HAUS5: variants seen among roughly 807,000 people sequenced by gnomAD.
The protein encoded by HAUS5 is HAUS augmin-like complex subunit 5.
Under a neutral mutation model 94.1 loss-of-function variants are expected in HAUS5, and 67 were observed. That is an observed-to-expected ratio of 0.71 (90% CI 0.58 to 0.87). The LOEUF is 0.87. Ranked by LOEUF, HAUS5 falls within the 40% of genes least tolerant of loss-of-function variation. HAUS5 has a pLI of 0.00. For missense variants in HAUS5, 739 were observed against 825.6 expected (o/e 0.90, Z 1.29); for synonymous variants, 339 against 355.4 (o/e 0.95, Z 0.52).
Position 35,625,282 on chromosome 19 carries a change from A to G in HAUS5, c.*2289A>G, listed in dbSNP as rs530770230. 6.6e-6 allele frequency: 1 copy of G among 152,232 alleles called. No individual in the cohort carries two copies. The highest frequency in any genetic ancestry group is 6.6e-5 in the Admixed American group (1 of 15,266). 9.4% of individuals were successfully genotyped at this position (152,232 alleles called of 1,614,324 possible). A position where few individuals can be genotyped will look rare whatever the true frequency, so the allele number is the denominator to read the frequency against. On this transcript the variant is annotated 3_prime_UTR_variant, in exon 19 of 19. Transcript: ENST00000203166. ...AAAAAAGATAACAAATATAAACTCA[A>G]GTAAACACCCTGTAGTCTTTCACAT...
In HAUS5 at chr19:35,612,898, G is replaced by A. The variant is rs897216974; in HGVS notation, c.98+6G>A. On this transcript the variant is annotated splice_donor_region_variant and intron_variant, in intron 1 of 18. Transcript: ENST00000203166. ...CCGGAATCGACGCTGCGCAGGTGAG[G>A]ACCGCTCCTGGAGTGAGGACACCCC... The A allele has an allele frequency of 5.2e-6, 8 of 1,535,934 alleles. No homozygotes were observed. In the Admixed American group the frequency reaches 1.7e-4, roughly 32 times the overall value.
chr19:35,619,031 G>A lies in HAUS5; in HGVS notation c.1161G>A (p.Leu387=), dbSNP rs761714827. The A allele has an allele frequency of 1.9e-6, 3 of 1,597,106 alleles. No individual in the cohort carries two copies. Among genetic ancestry groups the A allele is most frequent in the South Asian group, 2.2e-5 (2 of 89,446 alleles). ...TACAGGCCAAACAGCAGCGGATCCT[G>A]CACTGGCGCCAGCTGGTGGTGAGAG... ...RELQAKQQRI[L]HWRQLVEETQ... The change falls in exon 13 of 19, where the codon CTG becomes CTA. Residue 387 remains leucine (L), a synonymous_variant. Transcript: ENST00000203166.
At chr19:35,619,234 C>T (rs1462104676) in intron 13 of HAUS5, among the ~76,000 whole-genome samples, 185 bp downstream of exon 13, 4 of 152,116 alleles carry the variant, frequency 2.6e-5, no homozygotes, top group Non-Finnish European at 5.9e-5. Context: ...CACCACTGCA[C>T]TCCAGCCTGG....
Position 35,614,231 on chromosome 19 carries a change from G to C in HAUS5, c.219+172G>C, listed in dbSNP as rs1487637945. Reference sequence around the variant, plus strand: ...AGTGGAAACAGCATTAGCTCAGCCAGGTGCAGTGGCTCACACCTGTAATCC... The same window carrying C: ...AGTGGAAACAGCATTAGCTCAGCCACGTGCAGTGGCTCACACCTGTAATCC... On this transcript the variant is annotated intron_variant, in intron 4 of 18. Transcript: ENST00000203166. The C allele has an allele frequency of 6.0e-6, 4 of 666,302 alleles. No individual in the cohort carries two copies. The East Asian group carries it at 8.1e-5, about 14-fold the overall frequency. 41.3% of individuals were successfully genotyped at this position (666,302 alleles called of 1,614,324 possible).
rs1967159897 is a variant in HAUS5 at position 35,619,093 on chromosome 19, G to T, written c.1179+44G>T. The T allele has an allele frequency of 3.3e-6, 5 of 1,508,726 alleles. No homozygotes were observed. The East Asian group carries it at 9.1e-5, about 27-fold the overall frequency. The allele number at this position is 1,508,726 out of a possible 1,614,324, so 93.5% of individuals were successfully genotyped here. ...GGCCTTGTGGAGGGCCAGAGGGGAGGCTTGAAAACTATGGCTAAGAACTGG... is the reference window on the plus strand; with the variant it reads ...GGCCTTGTGGAGGGCCAGAGGGGAGTCTTGAAAACTATGGCTAAGAACTGG... On this transcript the variant is annotated intron_variant, in intron 13 of 18. Transcript: ENST00000203166.
At chr19:35,622,855 T>C (rs550050322) in intron 18 of HAUS5, 21 bp from the exon 19 acceptor site, 2 of 1,609,568 alleles carry the variant, frequency 1.2e-6, no homozygotes, top group Non-Finnish European at 1.7e-6. Flanking sequence ...CTTTCCTCGT[T>C]GACGCCATGC....
At chr19:35,622,533 G>A in intron 17 of HAUS5, 68 bp from the exon 18 acceptor site, 2 of 1,531,392 alleles carry the variant, frequency 1.3e-6, no homozygotes, top group South Asian at 1.2e-5. Flanking sequence ...GAGAATTGGG[G>A]ACTCATTGCT....
In HAUS5 at chr19:35,618,101, G is replaced by A. The variant is rs201169236; in HGVS notation, c.727G>A (p.Val243Ile). The change falls in exon 10 of 19, where the codon GTC becomes ATC. Residue 243 changes from valine (V) to isoleucine (I), a missense_variant. Transcript: ENST00000203166. The part of the protein sequence containing the change: ...TLLTNHPPGH[V>I]LAALEHLAAE... ...GCTGACAAACCACCCCCCAGGCCAC[G>A]TCCTGGCTGCCTTGGAGCACCTGGC... 75 of 1,605,328 alleles carry A rather than the reference G, an allele frequency of 4.7e-5. No homozygotes were observed. The African/African-American group carries it at 6.9e-4, about 15-fold the overall frequency.
chr19:35,612,900 C>T lies in HAUS5; in HGVS notation c.98+8C>T. 2 of 1,532,626 alleles carry T rather than the reference C, an allele frequency of 1.3e-6. No individual in the cohort carries two copies. Among genetic ancestry groups the T allele is most frequent in the Non-Finnish European group, 1.8e-6 (2 of 1,138,664 alleles). The allele number at this position is 1,532,626 out of a possible 1,614,324, so 94.9% of individuals were successfully genotyped here. On this transcript the variant is annotated splice_region_variant and intron_variant, in intron 1 of 18. Transcript: ENST00000203166. ...GGAATCGACGCTGCGCAGGTGAGGACCGCTCCTGGAGTGAGGACACCCCAC... is the reference window on the plus strand; with the variant it reads ...GGAATCGACGCTGCGCAGGTGAGGATCGCTCCTGGAGTGAGGACACCCCAC...
intron 17 of HAUS5, among the ~76,000 whole-genome samples, chr19:35,622,078 G>A (rs139584106): frequency 2.2e-4 from 34 of 152,308 alleles, no homozygotes; most frequent in African/African-American, 7.9e-4. Context: ...CCTGGGAATC[G>A]GCCAGGCTTT....
intron 10 of HAUS5, 43 bp downstream of exon 10, chr19:35,618,238 G>A: frequency 6.3e-7 from 1 of 1,597,130 alleles, no homozygotes; most frequent in South Asian, 1.1e-5. Flanking sequence ...GGCCATGTGA[G>A]TGGGTGAGCT....
chr19:35,617,717 C>A, intron 8 of HAUS5, 138 bp from the exon 9 acceptor site: 1 of 751,742 alleles, frequency 1.3e-6, no homozygotes, highest in Non-Finnish European at 2.3e-6. Flanking sequence ...CCAAAGCCAG[C>A]AGGTTGGTAT....
chr19:35,622,669 C>A lies in HAUS5; in HGVS notation c.1720C>A (p.Leu574Met). 1 of 1,614,018 alleles carries A rather than the reference C, an allele frequency of 6.2e-7. No individual in the cohort carries two copies. Among genetic ancestry groups the A allele is most frequent in the South Asian group, 1.1e-5 (1 of 91,082 alleles). Residue 574 changes from leucine (L) to methionine (M), a missense_variant, in exon 18 of 19, where the codon CTG (leucine) becomes ATG (methionine). Physicochemically the swap from Leu to Met is conservative, Grantham distance 15. Transcript: ENST00000203166. ...KENLGQALKR[L>M]EKLLKQALER... ...GAACCTGGGGCAGGCTCTGAAGAGG[C>A]TGGAGAAGCTACTGAAACAGGCACT... is the stretch of plus-strand genomic sequence containing the variant.
At position 35,619,635 on chromosome 19, in the gene HAUS5, A is replaced by C. The variant is rs745606864; in HGVS notation, c.1283A>C (p.Lys428Thr). ...PGEVLALVQRKVVPTFEAVAP... is the reference protein window; with the variant it reads ...PGEVLALVQRTVVPTFEAVAP... ...CAGGTGCTAGCTCTGGTCCAGCGAA[A>C]GGTGGTCCCTACATTTGAGGCAGTG... Residue 428 changes from lysine (K) to threonine (T), a missense_variant, in exon 15 of 19, where the codon AAG (lysine) becomes ACG (threonine). Transcript: ENST00000203166. 1 of 1,594,302 alleles carries C rather than the reference A, an allele frequency of 6.3e-7. No individual in the cohort carries two copies.
At chr19:35,619,584 G>GGGGCCCCC in intron 14 of HAUS5, 29 bp from the exon 15 acceptor site, 7 of 1,533,832 alleles carry the variant, frequency 4.6e-6, no homozygotes, top group Non-Finnish European at 3.6e-6. Flanking sequence ...ATGTTGTGAT[G>GGGGCCCCC]CCCCACCCAC....
rs753396048 is a variant in HAUS5, at chr19:35,615,054, TTAGAGC to T, written c.234_239del (p.Leu80_Glu81del). 1 of 1,596,312 alleles carries T rather than the reference TTAGAGC, an allele frequency of 6.3e-7. No homozygotes were observed. Among genetic ancestry groups the T allele is most frequent in the South Asian group, 1.1e-5 (1 of 88,298 alleles). ...CTGATCCTCCCAGGTCCGTCGGAAG[TTAGAGC>T]TGGAAGCTGCTGTGACCCGCCTGCG... On this transcript the variant is annotated inframe_deletion, in exon 5 of 19. Transcript: ENST00000203166.
intron 12 of HAUS5, 90 bp downstream of exon 12, chr19:35,618,789 C>T (rs565408095): frequency 9.2e-6 from 14 of 1,518,034 alleles, no homozygotes; most frequent in African/African-American, 5.5e-5. Context: ...TGGCTCCTAT[C>T]TCTGCCTCCT....
In HAUS5 at chr19:35,620,361, C is replaced by T. The variant is rs574813202; in HGVS notation, c.1651+34C>T. On this transcript the variant is annotated intron_variant, in intron 17 of 18. Transcript: ENST00000203166. The stretch of plus-strand genomic sequence containing the variant: ...GCCCTGCCACCCCATCCAGCCTCCC[C>T]GCCCATTCCCACTACCAGCAGCCTC... 49 of 1,595,810 alleles carry T rather than the reference C, an allele frequency of 3.1e-5. No homozygotes were observed. In the African/African-American group the frequency reaches 3.6e-4, roughly 12 times the overall value.
In HAUS5 at chr19:35,622,955, G is replaced by GT; in HGVS notation, c.1866dup (p.Gln623SerfsTer23). Reference sequence around the variant, plus strand: ...CCTGCCCCAGTGGCGGCTGCGCTGGGTTCAGGCCCAGGGGGCCCTGCAGAA... The same window carrying GT: ...CCTGCCCCAGTGGCGGCTGCGCTGGGTTTCAGGCCCAGGGGGCCCTGCAGAA... On this transcript the variant is annotated frameshift_variant, in exon 19 of 19. Coordinates refer to ENST00000203166, the MANE Select transcript of HAUS5 (RefSeq NM_015302.2). LOFTEE classifies it high-confidence loss of function. 1 of 1,613,458 alleles carries GT rather than the reference G, an allele frequency of 6.2e-7. No individual in the cohort carries two copies. The highest frequency in any genetic ancestry group is 8.5e-7 in the Non-Finnish European group (1 of 1,179,830).
Sources: gnomAD v4.1 joint callset for allele counts (sites outside exome capture counted in the v4.1 genomes callset) on GRCh38, gnomAD v4.1.1 for gene constraint, MANE v1.5 for transcripts, NCBI Gene and HGNC (gene_info 2026-07-23, HGNC 2026-07-21) for gene names.